The following FCF1 variants were observed in gnomAD, a reference collection of about 807,000 sequenced individuals.
FCF1 encodes the protein rRNA-processing protein FCF1 homolog.
In FCF1, 17 loss-of-function variants were observed where a neutral mutation model predicts 32.5. That is an observed-to-expected ratio of 0.52 (90% confidence interval 0.36 to 0.78). FCF1 has a LOEUF of 0.78. Ranked by LOEUF, FCF1 falls within the 30% of genes least tolerant of loss-of-function variation. The probability of loss-of-function intolerance (pLI) is 0.00; values close to 1 mark genes in which losing one functional copy is unlikely to be tolerated. For missense variants in FCF1, 201 were observed against 241.1 expected (o/e 0.83, Z 1.10); for synonymous variants, 84 against 78.4 (o/e 1.07, Z -0.38).
rs182260538 is a variant in FCF1 at position 74,716,247 on chromosome 14, A to G, written c.292+148A>G. ...GTCACCATAGCAGTGACCATGTTTAATGAATTGAAGTATAATGCAAACTTG... is the reference window on the plus strand; with the variant it reads ...GTCACCATAGCAGTGACCATGTTTAGTGAATTGAAGTATAATGCAAACTTG... On this transcript the variant is annotated intron_variant, in intron 4 of 7. Transcript: ENST00000341162. 3.5e-4 allele frequency: 246 copies of G among 712,094 alleles called. 1 individual carries two copies. In the African/African-American group the frequency reaches 4.1e-3, roughly 12 times the overall value. 44.1% of individuals were successfully genotyped at this position (712,094 alleles called of 1,614,324 possible).
At chr14:74,728,311 G>A (rs1380692853) in intron 5 of FCF1, among the ~76,000 whole-genome samples, 1 of 151,948 alleles carries the variant, frequency 6.6e-6, no homozygotes, top group Admixed American at 6.6e-5. Flanking sequence ...CCTTGAAGAG[G>A]TCCTTCACAT....
At chr14:74,716,506 A>T (rs1034692859) in intron 4 of FCF1, among the ~76,000 whole-genome samples, 3 of 152,228 alleles carry the variant, frequency 2.0e-5, no homozygotes, top group African/African-American at 2.4e-5. Flanking sequence ...GCCATTTATG[A>T]TCACAGCCCT....
chr14:74,728,556 A>C (rs1252837776), intron 5 of FCF1, among the ~76,000 whole-genome samples: 3 of 152,186 alleles, frequency 2.0e-5, no homozygotes, highest in Non-Finnish European at 4.4e-5. Context: ...CAAACGGACA[A>C]TTTGACTTCC....
At chr14:74,721,323 G>A (rs868298295) in intron 4 of FCF1, among the ~76,000 whole-genome samples, 1 of 151,568 alleles carries the variant, frequency 6.6e-6, no homozygotes, top group Admixed American at 6.6e-5. Flanking sequence ...CTGAGATTAC[G>A]GGCATGAGCC....
rs559481514 is a variant in FCF1 at position 74,737,119 on chromosome 14, C to T, written c.*2189C>T. On this transcript the variant is annotated 3_prime_UTR_variant, in exon 8 of 8. Coordinates refer to ENST00000341162, the MANE Select transcript of FCF1 (RefSeq NM_015962.5). ...TGTATAATCCCAGCACTTTGGGAGA[C>T]TGAGGTGGGCAGATCACTTGAGGTC... 1 of 152,328 alleles carries T rather than the reference C, an allele frequency of 6.6e-6. No individual in the cohort carries two copies. The highest frequency in any genetic ancestry group is 1.9e-4 in the East Asian group (1 of 5,182). The allele number at this position is 152,328 out of a possible 1,614,324, so 9.4% of individuals were successfully genotyped here. A position where few individuals can be genotyped will look rare whatever the true frequency, so the allele number is the denominator to read the frequency against.
intron 5 of FCF1, among the ~76,000 whole-genome samples, chr14:74,728,133 A>C (rs1408098494): frequency 3.9e-5 from 6 of 152,058 alleles, no homozygotes; most frequent in African/African-American, 7.2e-5. Flanking sequence ...TTTTCCAATT[A>C]TGTGAAGAAA....
intron 5 of FCF1, 31 bp downstream of exon 5, chr14:74,723,375 G>C: frequency 6.8e-7 from 1 of 1,471,576 alleles, no homozygotes; most frequent in East Asian, 2.3e-5. Flanking sequence ...ATCTGTTCTA[G>C]ATTGGTATAC....
intron 4 of FCF1, among the ~76,000 whole-genome samples, chr14:74,716,635 T>C (rs1177344029): frequency 1.3e-5 from 2 of 152,180 alleles, no homozygotes; most frequent in African/African-American, 2.4e-5. Context: ...TTAATAGATT[T>C]CCCTTGTGTA....
chr14:74,720,305 C>T (rs1405345758), intron 4 of FCF1, among the ~76,000 whole-genome samples: 5 of 152,140 alleles, frequency 3.3e-5, no homozygotes. Context: ...AATTTTAGAA[C>T]TTCCATTATC....
Position 74,737,086 on chromosome 14 carries a change from T to C in FCF1, c.*2156T>C, listed in dbSNP as rs749116739. On this transcript the variant is annotated 3_prime_UTR_variant, in exon 8 of 8. Transcript: ENST00000341162. Reference sequence around the variant, plus strand: ...GAAACAGTACACCATAGAAAATCCATTAACCTATGTATAATCCCAGCACTT... The same window carrying C: ...GAAACAGTACACCATAGAAAATCCACTAACCTATGTATAATCCCAGCACTT... 2 of 152,134 alleles carry C rather than the reference T, an allele frequency of 1.3e-5. No individual in the cohort carries two copies. The highest frequency in any genetic ancestry group is 2.9e-5 in the Non-Finnish European group (2 of 68,042). The allele number at this position is 152,134 out of a possible 1,614,324, so 9.4% of individuals were successfully genotyped here.
At chr14:74,728,330 AG>A (rs1299758052) in intron 5 of FCF1, among the ~76,000 whole-genome samples, 1 of 151,908 alleles carries the variant, frequency 6.6e-6, no homozygotes, top group African/African-American at 2.4e-5. Context: ...ATCCCTTGTA[AG>A]TTGGATTCCT....
At chr14:74,726,257 C>G (rs1314869728) in intron 5 of FCF1, among the ~76,000 whole-genome samples, 1 of 151,458 alleles carries the variant, frequency 6.6e-6, no homozygotes, top group Non-Finnish European at 1.5e-5. Context: ...GAGCCCGAAG[C>G]AGGAGGATTC....
rs1027557817 is a variant in FCF1, at chr14:74,732,658, T to G, written c.366-73T>G. 1.1e-5 allele frequency: 11 copies of G among 984,104 alleles called. No individual in the cohort carries two copies. In the Middle Eastern group the frequency reaches 9.5e-4, roughly 85 times the overall value. 61.0% of individuals were successfully genotyped at this position (984,104 alleles called of 1,614,324 possible). On this transcript the variant is annotated intron_variant, in intron 5 of 7. Coordinates refer to ENST00000341162, the MANE Select transcript of FCF1 (RefSeq NM_015962.5). ...CCTTAAAATCTCTGCATAGATCATG[T>G]TACTTTTATTGCATTAATTAAGACT...
intron 5 of FCF1, among the ~76,000 whole-genome samples, chr14:74,724,183 T>C (rs2090545135): frequency 6.6e-6 from 1 of 152,234 alleles, no homozygotes; most frequent in African/African-American, 2.4e-5. Context: ...TTGTTCATAC[T>C]CTTACAACAC....
chr14:74,732,064 A>T (rs1379879824), intron 5 of FCF1, among the ~76,000 whole-genome samples: 3 of 152,202 alleles, frequency 2.0e-5, no homozygotes, highest in Non-Finnish European at 4.4e-5. Flanking sequence ...ACAAAGGTTA[A>T]TATATTTTTT....
rs751354909 is a variant in FCF1, at chr14:74,713,210, G to C, written c.3+10G>C. On this transcript the variant is annotated intron_variant, in intron 1 of 7. Coordinates refer to ENST00000341162, the MANE Select transcript of FCF1 (RefSeq NM_015962.5). ...GTTTGGCGTGACCATGGTGAGAGAA[G>C]ACGGTCCAAGAAGGGACGTTATCAG... The C allele has an allele frequency of 6.2e-7, 1 of 1,614,246 alleles. No individual in the cohort carries two copies. The highest frequency in any genetic ancestry group is 1.1e-5 in the South Asian group (1 of 91,088).
intron 6 of FCF1, among the ~76,000 whole-genome samples, chr14:74,733,275 G>A (rs1041089182): frequency 1.3e-5 from 2 of 152,140 alleles, no homozygotes; most frequent in Admixed American, 1.3e-4. Flanking sequence ...ACATACCCTA[G>A]AATAAGTAGG....
At chr14:74,719,645 G>T (rs1319693639) in intron 4 of FCF1, among the ~76,000 whole-genome samples, 1 of 151,538 alleles carries the variant, frequency 6.6e-6, no homozygotes, top group East Asian at 2.0e-4. Context: ...CATGTCTATG[G>T]TCCCAGCTGC....
At chr14:74,715,195 T>C (rs1055249773) in intron 3 of FCF1, among the ~76,000 whole-genome samples, 2 of 152,148 alleles carry the variant, frequency 1.3e-5, no homozygotes, top group African/African-American at 4.8e-5. Flanking sequence ...CAGGGATCTT[T>C]TAAGAGACAT....
Sources: gnomAD v4.1 joint callset for allele counts (sites outside exome capture counted in the v4.1 genomes callset) on GRCh38, gnomAD v4.1.1 for gene constraint, MANE v1.5 for transcripts, NCBI Gene and HGNC (gene_info 2026-07-23, HGNC 2026-07-21) for gene names.